The following GABRG2 variants were observed in gnomAD, a reference collection of about 807,000 sequenced individuals.
The protein encoded by GABRG2 is gamma-aminobutyric acid receptor subunit gamma-2.
Under a neutral mutation model 56.4 loss-of-function variants are expected in GABRG2, and 16 were observed. The ratio of observed to expected loss-of-function variants is 0.28; its 90% confidence interval spans 0.19 to 0.43. The LOEUF (loss-of-function observed/expected upper bound fraction) is 0.43. Among genes scored for constraint, GABRG2 ranks in the 20% least tolerant of loss-of-function variants. GABRG2 has a pLI of 1.00. For missense variants in GABRG2, 327 were observed against 582.7 expected (o/e 0.56, Z 4.52); for synonymous variants, 208 against 205.5 (o/e 1.01, Z -0.10).
intron 7 of GABRG2, among the ~76,000 whole-genome samples, chr5:162,144,297 A>G (rs550942538): frequency 9.9e-5 from 15 of 152,248 alleles, no homozygotes; most frequent in South Asian, 4.1e-4. Context: ...CTTCCCAAAA[A>G]CATTTTAAGG....
At chr5:162,072,783 A>T (rs537131708) in intron 1 of GABRG2, among the ~76,000 whole-genome samples, 1 of 152,002 alleles carries the variant, frequency 6.6e-6, no homozygotes, top group African/African-American at 2.4e-5. Context: ...GGAAACCAAG[A>T]TTATAGATAG....
In GABRG2 at chr5:162,153,287, G is replaced by T; in HGVS notation, c.1347G>T (p.Met449Ile). 6.2e-7 allele frequency: 1 copy of T among 1,613,990 alleles called. No homozygotes were observed. Among genetic ancestry groups the T allele is most frequent in the Non-Finnish European group, 8.5e-7 (1 of 1,179,960 alleles). The stretch of plus-strand genomic sequence containing the variant: ...GGATACATATCCGCATTGCCAAAAT[G>T]GACTCCTATGCTCGGATCTTCTTCC... ...HGRIHIRIAK[M>I]DSYARIFFPT... Residue 449 changes from methionine to isoleucine, a missense_variant, in exon 10 of 10, where the codon ATG becomes ATT. Physicochemically the swap from Met to Ile is conservative, Grantham distance 10. Around this residue, in one of 4 missense-constraint regions of GABRG2, gnomAD observed 108 missense variants for 144.2 expected, o/e 0.75. Transcript: ENST00000639213.
intron 6 of GABRG2, chr5:162,129,338 G>A (rs1389069378): frequency 6.6e-6 from 1 of 151,812 alleles, no homozygotes; most frequent in Admixed American, 6.6e-5. Flanking sequence ...TCCTTGTTCA[G>A]AACACAAGTC....
chr5:162,116,833 G>T (rs1398384698), intron 6 of GABRG2, among the ~76,000 whole-genome samples: 1 of 150,552 alleles, frequency 6.6e-6, no homozygotes, highest in East Asian at 1.9e-4. Flanking sequence ...CCATAACTTT[G>T]ACAAAGACCT....
intron 1 of GABRG2, among the ~76,000 whole-genome samples, chr5:162,071,557 C>T (rs1758674660): frequency 6.6e-6 from 1 of 151,856 alleles, no homozygotes; most frequent in African/African-American, 2.4e-5. Flanking sequence ...GCTACCTAAA[C>T]AAAGATGCTT....
chr5:162,109,107 C>G, intron 6 of GABRG2, among the ~76,000 whole-genome samples: 1 of 151,848 alleles, frequency 6.6e-6, no homozygotes, highest in Admixed American at 6.6e-5. Context: ...ATGGATGAAG[C>G]TGGAAACCAT....
At chr5:162,152,048 G>T in intron 9 of GABRG2, 1 of 326,280 alleles carries the variant, frequency 3.1e-6, no homozygotes, top group Non-Finnish European at 5.5e-6. Context: ...AGATGAAAAT[G>T]GGATTGAGTC....
Position 162,115,081 on chromosome 5 carries a change from T to A in GABRG2, c.769+11055T>A, listed in dbSNP as rs183945167. ...TTAATGTTCTGCAATAAAATCCTAT[T>A]CTTTACTTACTTTGATAAAATGAGG... On this transcript the variant is annotated intron_variant, in intron 6 of 9. Transcript: ENST00000639213. Among the ~76,000 whole-genome samples, 379 of 152,324 alleles carry A rather than the reference T, an allele frequency of 2.5e-3. 1 individual carries two copies. Among genetic ancestry groups the A allele is most frequent in the Non-Finnish European group, 3.8e-3 (259 of 68,022 alleles).
chr5:162,146,311 T>TA (rs1764944756), intron 7 of GABRG2, among the ~76,000 whole-genome samples: 1 of 152,086 alleles, frequency 6.6e-6, no homozygotes, highest in Non-Finnish European at 1.5e-5. Context: ...CTCTACCACT[T>TA]ACTATCTTGA....
intron 7 of GABRG2, among the ~76,000 whole-genome samples, chr5:162,146,171 G>C (rs1232117287): frequency 6.6e-6 from 1 of 151,942 alleles, no homozygotes; most frequent in African/African-American, 2.4e-5. Flanking sequence ...CACCTCCCCA[G>C]TCAGGAATCT....
chr5:162,091,314 T>C (rs960550214), intron 1 of GABRG2, among the ~76,000 whole-genome samples: 1 of 152,020 alleles, frequency 6.6e-6, no homozygotes, highest in African/African-American at 2.4e-5. Flanking sequence ...TTTGTTCCAT[T>C]ATTAAGGAAT....
intron 1 of GABRG2, among the ~76,000 whole-genome samples, chr5:162,078,398 T>TATATATATATATATATATA (rs1491452559): frequency 6.1e-5 from 1 of 16,390 alleles, no homozygotes; most frequent in African/African-American, 3.3e-4. Flanking sequence ...TATATATATA[T>TATATATATATATATATATA]TTTTTTTTTT....
At chr5:162,070,099 C>T (rs1457426775) in intron 1 of GABRG2, among the ~76,000 whole-genome samples, 1 of 152,064 alleles carries the variant, frequency 6.6e-6, no homozygotes, top group African/African-American at 2.4e-5. Context: ...CTTCTTGTTG[C>T]CACAGCCCCA....
chr5:162,107,933 T>C (rs541185534), intron 6 of GABRG2, among the ~76,000 whole-genome samples: 1 of 152,190 alleles, frequency 6.6e-6, no homozygotes, highest in Non-Finnish European at 1.5e-5. Flanking sequence ...GCTTATTAAG[T>C]TATGTGCCTG....
chr5:162,085,900 G>A (rs1760059130), intron 1 of GABRG2, among the ~76,000 whole-genome samples: 1 of 151,546 alleles, frequency 6.6e-6, no homozygotes, highest in South Asian at 2.1e-4. Context: ...CCCTGCAAAG[G>A]ACATGATCTC....
intron 6 of GABRG2, among the ~76,000 whole-genome samples, chr5:162,134,516 T>A (rs182574118): frequency 1.5e-3 from 229 of 152,330 alleles, no homozygotes; most frequent in Admixed American, 3.6e-3. Flanking sequence ...GATTCTATTA[T>A]TATTCTTACT....
At chr5:162,124,346 GAT>G (rs1372848285) in intron 6 of GABRG2, among the ~76,000 whole-genome samples, 1 of 151,754 alleles carries the variant, frequency 6.6e-6, no homozygotes, top group East Asian at 1.9e-4. Flanking sequence ...TGATATTCCT[GAT>G]ATTGAAACAT....
intron 6 of GABRG2, among the ~76,000 whole-genome samples, chr5:162,114,576 G>T (rs1045329077): frequency 1.3e-4 from 20 of 151,962 alleles, no homozygotes; most frequent in African/African-American, 4.6e-4. Context: ...AAAGGGCAAA[G>T]AGGATTTTTC....
At chr5:162,067,597 C>A, upstream of GABRG2, 1 of 457,456 alleles carries the variant, frequency 2.2e-6, no homozygotes, top group East Asian at 3.2e-5. Flanking sequence ...AAAATCAAAA[C>A]AAACAAATAA....
Sources: gnomAD v4.1 joint callset for allele counts (sites outside exome capture counted in the v4.1 genomes callset) on GRCh38, gnomAD v4.1.1 for gene constraint, gnomAD v4.1.1 regional missense constraint, MANE v1.5 for transcripts, NCBI Gene and HGNC (gene_info 2026-07-23, HGNC 2026-07-21) for gene names.